The following UBE2Q2 variants were observed in gnomAD, a reference collection of about 807,000 sequenced individuals.
UBE2Q2 encodes the protein ubiquitin conjugating enzyme E2 Q2.
A neutral mutation model predicts 59.9 loss-of-function variants in UBE2Q2; 54 were observed. The ratio of observed to expected loss-of-function variants is 0.90; its 90% CI spans 0.72 to 1.13. The LOEUF (loss-of-function observed/expected upper bound fraction) is 1.13, where lower values mean the gene tolerates loss of function less well. Among genes scored for constraint, UBE2Q2 ranks in the 50% most tolerant of loss-of-function variants. The pLI is 0.00. For missense variants in UBE2Q2, 433 were observed against 441.9 expected (o/e 0.98, Z 0.18); for synonymous variants, 165 against 155.2 (o/e 1.06, Z -0.47).
intron 2 of UBE2Q2, among the ~76,000 whole-genome samples, chr15:75,858,200 G>A (rs1020838791): frequency 6.6e-6 from 1 of 151,630 alleles, no homozygotes; most frequent in African/African-American, 2.4e-5. Context: ...TCTGTTCTAG[G>A]GATTCCTAAA....
chr15:75,852,285 C>T (rs1437996119), intron 1 of UBE2Q2, among the ~76,000 whole-genome samples: 1 of 152,148 alleles, frequency 6.6e-6, no homozygotes, highest in African/African-American at 2.4e-5. Flanking sequence ...GGTGTTACCG[C>T]CTTTATTTGT....
chr15:75,876,355 G>A (rs1898080524), intron 6 of UBE2Q2, 84 bp downstream of exon 6: 2 of 1,181,178 alleles, frequency 1.7e-6, no homozygotes, highest in Admixed American at 2.3e-5. Context: ...TCTTAAAACT[G>A]GACAGAAATG....
intron 7 of UBE2Q2, chr15:75,878,471 G>A (rs1380903609): frequency 6.5e-6 from 1 of 153,188 alleles, no homozygotes; most frequent in African/African-American, 2.4e-5. Context: ...TACACCTGTA[G>A]TCCCAGCTAC....
At chr15:75,850,923 C>G (rs1406863491) in intron 1 of UBE2Q2, among the ~76,000 whole-genome samples, 1 of 152,104 alleles carries the variant, frequency 6.6e-6, no homozygotes, top group Non-Finnish European at 1.5e-5. Flanking sequence ...TTTTACGAAA[C>G]AAAATTTTCT....
intron 4 of UBE2Q2, among the ~76,000 whole-genome samples, chr15:75,873,070 G>A (rs1411657997): frequency 2.0e-5 from 3 of 152,152 alleles, no homozygotes; most frequent in Non-Finnish European, 4.4e-5. Context: ...TACAATTCTA[G>A]AAGTTGAGTT....
At chr15:75,844,035 G>C in intron 1 of UBE2Q2, 189 bp downstream of exon 1, 1 of 1,408,580 alleles carries the variant, frequency 7.1e-7, no homozygotes. Context: ...GTGGGAGGAG[G>C]CGGAGGGCGC....
At chr15:75,865,804 GTT>G (rs199640921) in intron 3 of UBE2Q2, among the ~76,000 whole-genome samples, 8 of 86,278 alleles carry the variant, frequency 9.3e-5, no homozygotes, top group Non-Finnish European at 6.5e-5. Flanking sequence ...ATATCTGGTT[GTT>G]TTTTTTTTTT....
At chr15:75,895,808 G>A (rs1449473895) in intron 11 of UBE2Q2, among the ~76,000 whole-genome samples, 1 of 152,112 alleles carries the variant, frequency 6.6e-6, no homozygotes, top group East Asian at 1.9e-4. Context: ...GTGCAGTTAT[G>A]TAGAGGGCAA....
At chr15:75,883,852 ACACACACACAC>A (rs1300780879) in intron 9 of UBE2Q2, among the ~76,000 whole-genome samples, 9 of 2,108 alleles carry the variant, frequency 4.3e-3, no homozygotes, top group Admixed American at 0.026. Flanking sequence ...ACACACACAC[ACACACACACAC>A]ACGTATATAT....
Position 75,843,706 on chromosome 15 carries a change from G to A in UBE2Q2, c.40G>A (p.Ala14Thr). The A allele has an allele frequency of 6.2e-7, 1 of 1,611,418 alleles. No individual in the cohort carries two copies. Residue 14 changes from alanine to threonine, a missense_variant, in exon 1 of 13, where the codon GCG becomes ACG. By Grantham distance (58) the Ala-to-Thr change is moderately conservative (BLOSUM62 0). Coordinates refer to ENST00000267938, the MANE Select transcript of UBE2Q2 (RefSeq NM_173469.4). The stretch of plus-strand genomic sequence containing the variant: ...GCTCAAGGCCGAGCTGAAGTTCCTG[G>A]CGTCCATCTTCGACAAGAACCACGA... ...SGLKAELKFL[A>T]SIFDKNHERF...
In UBE2Q2 at chr15:75,843,978, C is replaced by A. The variant is rs1896169551; in HGVS notation, c.180+132C>A. The A allele has an allele frequency of 2.1e-6, 3 of 1,403,594 alleles. No individual in the cohort carries two copies. In the African/African-American group the frequency reaches 4.6e-5, roughly 21 times the overall value. 86.9% of individuals were successfully genotyped at this position (1,403,594 alleles called of 1,614,324 possible). On this transcript the variant is annotated intron_variant, in intron 1 of 12. Coordinates refer to ENST00000267938, the MANE Select transcript of UBE2Q2 (RefSeq NM_173469.4). ...GGCGGGGCAGGCCCGCCCCTTTCCC[C>A]CGCGACTTGCCCATCCCAGGCCGGG...
At chr15:75,880,484 AT>A (rs112205665) in intron 8 of UBE2Q2, among the ~76,000 whole-genome samples, 598 of 127,458 alleles carry the variant, frequency 4.7e-3, no homozygotes, top group South Asian at 7.8e-3. Context: ...AATGTTAATG[AT>A]TTTTTTTTTT....
At chr15:75,866,868 C>A (rs765391786) in intron 3 of UBE2Q2, among the ~76,000 whole-genome samples, 3 of 152,008 alleles carry the variant, frequency 2.0e-5, no homozygotes, top group Non-Finnish European at 4.4e-5. Flanking sequence ...GCTAAAGATC[C>A]CAATTAGGTT....
At chr15:75,856,269 G>GTGTGTGTGTGTGTGTATATATATATA (rs1256142539) in intron 2 of UBE2Q2, among the ~76,000 whole-genome samples, 14 of 139,272 alleles carry the variant, frequency 1.0e-4, no homozygotes, top group African/African-American at 3.6e-4. Context: ...GTGTGTGTGT[G>GTGTGTGTGTGTGTGTATATATATATA]TATATATATA....
chr15:75,858,828 G>A (rs2441928), intron 2 of UBE2Q2, among the ~76,000 whole-genome samples: 1 of 152,122 alleles, frequency 6.6e-6, no homozygotes, highest in Non-Finnish European at 1.5e-5. Context: ...CTTGGTTTCC[G>A]TTTAAGCATG....
chr15:75,844,163 G>T, intron 1 of UBE2Q2: 3 of 1,433,556 alleles, frequency 2.1e-6, no homozygotes, highest in Non-Finnish European at 2.7e-6. Context: ...GTCCATGGCC[G>T]CCCTCAGCCG....
chr15:75,852,542 AAG>A (rs1896682581), intron 1 of UBE2Q2, among the ~76,000 whole-genome samples: 8 of 152,218 alleles, frequency 5.3e-5, no homozygotes, highest in Non-Finnish European at 8.8e-5. Context: ...GTCCAGAGTG[AAG>A]ACATGTATGT....
intron 5 of UBE2Q2, among the ~76,000 whole-genome samples, chr15:75,874,508 T>C (rs1314716024): frequency 2.0e-5 from 3 of 151,238 alleles, no homozygotes; most frequent in Non-Finnish European, 2.9e-5. Flanking sequence ...GGTCTTGAAC[T>C]CCCGACTTCA....
intron 9 of UBE2Q2, 128 bp from the exon 10 acceptor site, chr15:75,890,307 G>A (rs1899024455): frequency 1.5e-6 from 1 of 668,932 alleles, no homozygotes; most frequent in African/African-American, 1.8e-5. Flanking sequence ...CCTAACAACT[G>A]TTGTCATGTT....
Sources: allele counts gnomAD v4.1 joint callset (sites outside exome capture counted in the v4.1 genomes callset), GRCh38; gene constraint gnomAD v4.1.1; transcripts MANE v1.5; gene names NCBI Gene and HGNC (gene_info 2026-07-23, HGNC 2026-07-21).